ACSS3: variants seen among roughly 807,000 people sequenced by gnomAD.
The protein encoded by ACSS3 is acyl-CoA synthetase short-chain family member 3, mitochondrial.
Under a neutral mutation model 84.2 loss-of-function variants are expected in ACSS3, and 64 were observed. That is an observed-to-expected ratio of 0.76 (90% confidence interval 0.62 to 0.94). The LOEUF (loss-of-function observed/expected upper bound fraction) is 0.94, where lower values mean the gene tolerates loss of function less well. Among genes scored for constraint, ACSS3 ranks in the 40% least tolerant of loss-of-function variants. The pLI, the probability that ACSS3 is intolerant of heterozygous loss-of-function variation, is 0.00. For synonymous variants in ACSS3, 317 were observed against 310.1 expected, an observed-to-expected ratio of 1.02 and a Z score of -0.23; for missense variants, 815 against 867.6, an observed-to-expected ratio of 0.94 and a Z score of 0.76.
At position 81,250,867 on chromosome 12, in the gene ACSS3, G is replaced by A. The variant is rs530140819; in HGVS notation, c.1720-2440G>A. Among the ~76,000 whole-genome samples the A allele has an allele frequency of 2.6e-5, 4 of 152,210 alleles. No homozygotes were observed. The East Asian group carries it at 7.7e-4, about 29-fold the overall frequency. On this transcript the variant is annotated intron_variant, in intron 13 of 15. Transcript: ENST00000548058. ...CCAAGTCTATATCCTATCTGGTACA[G>A]CAAAGTATTATTTTTCATGACTAAT...
At chr12:81,246,057 AG>A (rs1166054890) in intron 13 of ACSS3, among the ~76,000 whole-genome samples, 1 of 152,108 alleles carries the variant, frequency 6.6e-6, no homozygotes, top group Non-Finnish European at 1.5e-5. Flanking sequence ...AACACATGCC[AG>A]GGTAAGTCAA....
intron 5 of ACSS3, among the ~76,000 whole-genome samples, chr12:81,147,465 G>A (rs1886395839): frequency 6.6e-6 from 1 of 152,220 alleles, no homozygotes; most frequent in Non-Finnish European, 1.5e-5. Flanking sequence ...AAGTGGTGGA[G>A]AAGGCACAGC....
chr12:81,140,419 G>C (rs1886035360), intron 4 of ACSS3, among the ~76,000 whole-genome samples: 1 of 151,954 alleles, frequency 6.6e-6, no homozygotes, highest in African/African-American at 2.4e-5. Context: ...AAGTGAAATT[G>C]CAAGACTGCA....
intron 13 of ACSS3, among the ~76,000 whole-genome samples, chr12:81,241,170 A>AT (rs1274767907): frequency 6.6e-6 from 1 of 151,928 alleles, no homozygotes; most frequent in Admixed American, 6.6e-5. Flanking sequence ...TGAACTCATC[A>AT]TTTTTTATGG....
intron 5 of ACSS3, among the ~76,000 whole-genome samples, chr12:81,145,895 G>A (rs11613490): frequency 0.34 from 51,611 of 151,718 alleles, 11,043 homozygotes; most frequent in Non-Finnish European, 0.48. Context: ...AATTGTGTGC[G>A]TGAGTGGGCT....
intron 8 of ACSS3, among the ~76,000 whole-genome samples, chr12:81,192,242 A>G (rs1010009070): frequency 6.6e-6 from 1 of 151,628 alleles, no homozygotes; most frequent in African/African-American, 2.4e-5. Context: ...TTAGCCAGAC[A>G]TGGTGGCGGG....
intron 8 of ACSS3, among the ~76,000 whole-genome samples, chr12:81,193,589 TGTTTA>T (rs1038065081): frequency 6.6e-6 from 1 of 151,996 alleles, no homozygotes. Flanking sequence ...ATTATTATTT[TGTTTA>T]GTTTATAGTA....
chr12:81,160,486 C>T (rs1887095457), intron 7 of ACSS3, among the ~76,000 whole-genome samples: 1 of 152,192 alleles, frequency 6.6e-6, no homozygotes, highest in South Asian at 2.1e-4. Flanking sequence ...ACTAGAAATA[C>T]TAACATATGT....
At position 81,257,298 on chromosome 12, in the gene ACSS3, G is replaced by A. The variant is rs930400952; in HGVS notation, c.*2376G>A. The A allele has an allele frequency of 9.2e-5, 14 of 152,024 alleles. No homozygotes were observed. Among genetic ancestry groups the A allele is most frequent in the Non-Finnish European group, 4.4e-5 (3 of 67,998 alleles). 9.4% of individuals were successfully genotyped at this position (152,024 alleles called of 1,614,324 possible). ...AAGAATGTTGTTACTTTTATGTGAT[G>A]AAAAAATAGGGCAAGAAAGATATAC... On this transcript the variant is annotated 3_prime_UTR_variant, in exon 16 of 16. Transcript: ENST00000548058.
At chr12:81,093,458 C>T (rs12312184) in intron 1 of ACSS3, among the ~76,000 whole-genome samples, 20,603 of 134,954 alleles carry the variant, frequency 0.15, 1,566 homozygotes, top group African/African-American at 0.22. Context: ...CTGTCCCCAC[C>T]GCCACCAAAA....
At chr12:81,220,582 C>T (rs2033073024) in intron 11 of ACSS3, among the ~76,000 whole-genome samples, 1 of 151,992 alleles carries the variant, frequency 6.6e-6, no homozygotes, top group South Asian at 2.1e-4. Flanking sequence ...TTTTTCAACC[C>T]TTGCCTCCCT....
chr12:81,169,436 A>C (rs1005753642), intron 7 of ACSS3, among the ~76,000 whole-genome samples: 9 of 152,142 alleles, frequency 5.9e-5, no homozygotes, highest in Non-Finnish European at 1.5e-5. Flanking sequence ...GGGCATTGAG[A>C]AAGAAAAGGC....
intron 7 of ACSS3, among the ~76,000 whole-genome samples, chr12:81,162,962 C>T (rs1843470909): frequency 6.6e-6 from 1 of 152,106 alleles, no homozygotes; most frequent in Non-Finnish European, 1.5e-5. Context: ...CAGGCACTTC[C>T]AAGCCTGTGT....
chr12:81,222,302 C>T (rs1023968411), intron 11 of ACSS3, among the ~76,000 whole-genome samples: 3 of 151,992 alleles, frequency 2.0e-5, no homozygotes, highest in African/African-American at 4.8e-5. Context: ...TATTATAAAT[C>T]TTTTTGTATT....
intron 13 of ACSS3, among the ~76,000 whole-genome samples, chr12:81,249,118 A>T (rs971287734): frequency 5.9e-5 from 9 of 152,048 alleles, no homozygotes; most frequent in Non-Finnish European, 1.0e-4. Context: ...AGTTTTTGAA[A>T]GCCCAGCATT....
intron 1 of ACSS3, among the ~76,000 whole-genome samples, chr12:81,081,816 G>A (rs1257381274): frequency 6.6e-6 from 1 of 152,166 alleles, no homozygotes. Context: ...CAGATTATTA[G>A]AAAATAACTT....
At chr12:81,139,836 C>T (rs990427724) in intron 4 of ACSS3, among the ~76,000 whole-genome samples, 2 of 151,688 alleles carry the variant, frequency 1.3e-5, no homozygotes, top group Admixed American at 6.6e-5. Flanking sequence ...GGGGTTTCAC[C>T]GTGTTAGCCA....
intron 14 of ACSS3, 35 bp downstream of exon 14, chr12:81,253,441 C>A: frequency 6.2e-7 from 1 of 1,613,428 alleles, no homozygotes; most frequent in Non-Finnish European, 8.5e-7. Flanking sequence ...TGCTTGGGAC[C>A]TGAATAATTA....
chr12:81,235,216 AAAATCAGAT>A (rs1224928886), intron 13 of ACSS3, among the ~76,000 whole-genome samples: 1 of 151,464 alleles, frequency 6.6e-6, no homozygotes, highest in East Asian at 1.9e-4. Flanking sequence ...AACTTTGTCA[AAAATCAGAT>A]GATAATATTG....
Sources: gnomAD v4.1 joint callset for allele counts (sites outside exome capture counted in the v4.1 genomes callset) on GRCh38, gnomAD v4.1.1 for gene constraint, MANE v1.5 for transcripts, NCBI Gene and HGNC (gene_info 2026-07-23, HGNC 2026-07-21) for gene names.